Variants in FAM78A observed in about 807,000 individuals in gnomAD.
The protein encoded by FAM78A is family with sequence similarity 78 member A.
In FAM78A, 12 loss-of-function variants were observed where a neutral mutation model predicts 22.6. The observed-to-expected ratio is 0.53, with a 90% CI of 0.34 to 0.86. FAM78A has a LOEUF of 0.86. Ranked by LOEUF, FAM78A falls within the 40% of genes least tolerant of loss-of-function variation. The pLI, the probability that FAM78A is intolerant of heterozygous loss-of-function variation, is 0.02. For synonymous variants in FAM78A, 151 were observed against 155.8 expected, an observed-to-expected ratio of 0.97 and a Z score of 0.23; for missense variants, 322 against 396.1, an observed-to-expected ratio of 0.81 and a Z score of 1.59.
In FAM78A at chr9:131,258,681, T is replaced by G. The variant is rs2131138019; in HGVS notation, c.*2141A>C. 1 of 152,394 alleles carries G rather than the reference T, an allele frequency of 6.6e-6. No homozygotes were observed. Among genetic ancestry groups the G allele is most frequent in the East Asian group, 1.9e-4 (1 of 5,196 alleles). The allele number at this position is 152,394 out of a possible 1,614,324, so 9.4% of individuals were successfully genotyped here. ...TCCTGAACCCCCAGGGTCCTGTCCC[T>G]GCTTTAGTGCAACAAAGACCTGAGT... On this transcript the variant is annotated 3_prime_UTR_variant, in exon 2 of 2. Coordinates refer to ENST00000372271, the MANE Select transcript of FAM78A (RefSeq NM_033387.4).
At chr9:131,268,754 A>G (rs573424335) in intron 1 of FAM78A, among the ~76,000 whole-genome samples, 24 of 152,160 alleles carry the variant, frequency 1.6e-4, no homozygotes, top group Admixed American at 7.8e-4. Context: ...TTAGCCGGGC[A>G]TGGTGGCAGG....
upstream of FAM78A, among the ~76,000 whole-genome samples, chr9:131,277,919 C>T (rs1452018109): frequency 6.7e-6 from 1 of 149,912 alleles, no homozygotes; most frequent in Non-Finnish European, 1.5e-5. The surrounding 1 kb of genome is among the most constrained non-coding windows in gnomAD (Gnocchi z 8.4). Flanking sequence ...TCAAACTTTG[C>T]AGAAACTCGG....
intron 1 of FAM78A, among the ~76,000 whole-genome samples, chr9:131,267,816 CG>C (rs1465167521): frequency 6.6e-6 from 1 of 151,930 alleles, no homozygotes; most frequent in African/African-American, 2.4e-5. Flanking sequence ...GAGGCTGAGG[CG>C]GGCAGATCAC....
At position 131,275,872 on chromosome 9, in the gene FAM78A, T is replaced by A; in HGVS notation, c.308A>T (p.Tyr103Phe). Residue 103 changes from tyrosine to phenylalanine, a missense_variant, in exon 1 of 2, where the codon TAC (tyrosine) becomes TTC (phenylalanine). Coordinates refer to ENST00000372271, the MANE Select transcript of FAM78A (RefSeq NM_033387.4). The surrounding 1 kb of genome is among the most constrained non-coding windows in gnomAD (Gnocchi z 4.6). ...ACSHMEFYNQ[Y>F]GEQGMSSWEL... is the part of the protein sequence containing the mutation. ...CCGTACTCACATGCCCTGCTCGCCG[T>A]ACTGGTTGTAGAACTCCATGTGGCT... is the stretch of plus-strand genomic sequence containing the variant. The A allele has an allele frequency of 1.9e-6, 3 of 1,595,978 alleles. No homozygotes were observed. Among genetic ancestry groups the A allele is most frequent in the Non-Finnish European group, 2.6e-6 (3 of 1,168,922 alleles).
chr9:131,266,805 T>C (rs1455128378), intron 1 of FAM78A, among the ~76,000 whole-genome samples: 1 of 152,246 alleles, frequency 6.6e-6, no homozygotes, highest in Non-Finnish European at 1.5e-5. Context: ...TCACAGCACC[T>C]GGCCCAGCTT....
At chr9:131,264,551 G>T (rs1256094924) in intron 1 of FAM78A, 2 of 715,594 alleles carry the variant, frequency 2.8e-6, no homozygotes, top group Non-Finnish European at 5.2e-6. Context: ...TGCCTGCCCG[G>T]TTTTTGTGAT....
chr9:131,270,037 TAA>T lies in FAM78A; in HGVS notation c.323+5818_323+5819del, dbSNP rs1008374603. On this transcript the variant is annotated intron_variant, in intron 1 of 1. Transcript: ENST00000372271. ...TGGTGAAACCCCATCCCTACTAAAATAAAAAAAAAAAAAAAAAAAAAAGCCAG... is the reference window on the plus strand; with the variant it reads ...TGGTGAAACCCCATCCCTACTAAAATAAAAAAAAAAAAAAAAAAAAGCCAG... Among the ~76,000 whole-genome samples, 68 of 85,618 alleles carry T rather than the reference TAA, an allele frequency of 7.9e-4. 2 individuals carry two copies. The highest frequency in any genetic ancestry group is 6.7e-3 in the Middle Eastern group (1 of 150). The allele number at this position is 85,618 out of a possible 152,430, so 56.2% of individuals were successfully genotyped here.
At position 131,258,840 on chromosome 9, in the gene FAM78A, C is replaced by A. The variant is rs1029751775; in HGVS notation, c.*1982G>T. On this transcript the variant is annotated 3_prime_UTR_variant, in exon 2 of 2. Coordinates refer to ENST00000372271, the MANE Select transcript of FAM78A (RefSeq NM_033387.4). ...CACGGCCTCCATCCTCACAAGAGAA[C>A]CTGCAGTTTCTGCGGGGAGGTCCTG... is the stretch of plus-strand genomic sequence containing the variant. 6.6e-6 allele frequency: 1 copy of A among 152,262 alleles called. No individual in the cohort carries two copies. 9.4% of individuals were successfully genotyped at this position (152,262 alleles called of 1,614,324 possible).
Position 131,261,637 on chromosome 9 carries a change from T to C in FAM78A, c.324-287A>G, listed in dbSNP as rs900608033. On this transcript the variant is annotated intron_variant, in intron 1 of 1. Coordinates refer to ENST00000372271, the MANE Select transcript of FAM78A (RefSeq NM_033387.4). This position sits in a 1 kb window ranked among gnomAD's most constrained non-coding sequence, Gnocchi z 7.1. ...CACTCCCATGTGGCCATGGATATAG[T>C]AGCATCTGGGAGCCCACCCCAGACT... 3.3e-5 allele frequency among the ~76,000 whole-genome samples: 5 copies of C among 152,104 alleles called. No homozygotes were observed. The East Asian group carries it at 7.7e-4, about 23-fold the overall frequency.
intron 1 of FAM78A, among the ~76,000 whole-genome samples, chr9:131,266,276 G>C (rs1835344054): frequency 1.3e-5 from 2 of 152,176 alleles, no homozygotes; most frequent in Non-Finnish European, 2.9e-5. Context: ...AACCGGCCAT[G>C]ACTCCCCTAT....
At chr9:131,270,329 C>A (rs574561284) in intron 1 of FAM78A, 6 of 717,652 alleles carry the variant, frequency 8.4e-6, no homozygotes, top group African/African-American at 1.7e-5. Context: ...CAGGTGAAGA[C>A]GCTTCCTTCC....
At position 131,258,619 on chromosome 9, in the gene FAM78A, C is replaced by T. The variant is rs576862611; in HGVS notation, c.*2203G>A. 10 of 152,370 alleles carry T rather than the reference C, an allele frequency of 6.6e-5. No individual in the cohort carries two copies. Among genetic ancestry groups the T allele is most frequent in the African/African-American group, 1.9e-4 (8 of 41,562 alleles). 9.4% of individuals were successfully genotyped at this position (152,370 alleles called of 1,614,324 possible). On this transcript the variant is annotated 3_prime_UTR_variant, in exon 2 of 2. Transcript: ENST00000372271. Reference sequence around the variant, plus strand: ...CCCCTTTCCATTCTGGTCTCCAGCCCCACCTCCAGGAATAAACCAGCGGCC... The same window carrying T: ...CCCCTTTCCATTCTGGTCTCCAGCCTCACCTCCAGGAATAAACCAGCGGCC...
In FAM78A at chr9:131,275,153, G is replaced by A. The variant is rs1035252425; in HGVS notation, c.323+704C>T. On this transcript the variant is annotated intron_variant, in intron 1 of 1. Coordinates refer to ENST00000372271, the MANE Select transcript of FAM78A (RefSeq NM_033387.4). This position sits in a 1 kb window ranked among gnomAD's most constrained non-coding sequence, Gnocchi z 4.6. ...ATACCCTAGGCACACTCTGGAGACC[G>A]GGCTTTGGGGCTGCAGAGGAGAGGC... Among the ~76,000 whole-genome samples the A allele has an allele frequency of 4.6e-5, 7 of 152,168 alleles. No individual in the cohort carries two copies. The highest frequency in any genetic ancestry group is 7.2e-5 in the African/African-American group (3 of 41,444).
upstream of FAM78A, among the ~76,000 whole-genome samples, chr9:131,279,234 C>G (rs764668924): frequency 2.0e-5 from 3 of 152,224 alleles, no homozygotes; most frequent in Non-Finnish European, 4.4e-5. Flanking sequence ...AGACAGCACA[C>G]AGATTACATC....
At position 131,260,668 on chromosome 9, in the gene FAM78A, G is replaced by T; in HGVS notation, c.*154C>A. The T allele has an allele frequency of 2.3e-6, 2 of 857,828 alleles. No individual in the cohort carries two copies. The highest frequency in any genetic ancestry group is 1.7e-6 in the Non-Finnish European group (1 of 593,594). The allele number at this position is 857,828 out of a possible 1,614,324, so 53.1% of individuals were successfully genotyped here. A position where few individuals can be genotyped will look rare whatever the true frequency, so the allele number is the denominator to read the frequency against. On this transcript the variant is annotated 3_prime_UTR_variant, in exon 2 of 2. Coordinates refer to ENST00000372271, the MANE Select transcript of FAM78A (RefSeq NM_033387.4). The surrounding 1 kb of genome is among the most constrained non-coding windows in gnomAD (Gnocchi z 5.4). ...TGAAAGGAAGCAGGTGCCGAGAGCC[G>T]GGGAGGCCTTCCCGGGGGCATCAGC...
intron 1 of FAM78A, among the ~76,000 whole-genome samples, chr9:131,268,928 G>A (rs1027036402): frequency 2.0e-4 from 29 of 148,544 alleles, no homozygotes; most frequent in Non-Finnish European, 3.9e-4. Flanking sequence ...GGCCGAGCGC[G>A]GTGGCTCATG....
chr9:131,276,292 T>A lies in FAM78A; in HGVS notation c.-113A>T. 1.2e-6 allele frequency: 1 copy of A among 800,588 alleles called. No homozygotes were observed. The highest frequency in any genetic ancestry group is 1.9e-5 in the South Asian group (1 of 52,278). The allele number at this position is 800,588 out of a possible 1,614,324, so 49.6% of individuals were successfully genotyped here. Reference sequence around the variant, plus strand: ...TCACTGAGTAGACTGGGGTTGCATATATCACTACCGCGGCCTGTTTATAAA... The same window carrying A: ...TCACTGAGTAGACTGGGGTTGCATAAATCACTACCGCGGCCTGTTTATAAA... On this transcript the variant is annotated 5_prime_UTR_variant, in exon 1 of 2. Transcript: ENST00000372271. The surrounding 1 kb of genome is among the most constrained non-coding windows in gnomAD (Gnocchi z 4.3).
At position 131,261,167 on chromosome 9, in the gene FAM78A, G is replaced by A. The variant is rs779501246; in HGVS notation, c.507C>T (p.Ala169=). 117 of 1,614,014 alleles carry A rather than the reference G, an allele frequency of 7.2e-5. No homozygotes were observed. Among genetic ancestry groups the A allele is most frequent in the African/African-American group, 6.7e-5 (5 of 74,916 alleles). ...NDNFYPSVTW[A]VPVSESNVAK... ...CCACGTTGCTCTCGCTGACGGGCAC[G>A]GCCCATGTGACGCTGGGGTAAAAGT... The change falls in exon 2 of 2, where the codon GCC becomes GCT. Residue 169 remains alanine, a synonymous_variant. Transcript: ENST00000372271. The surrounding 1 kb of genome is among the most constrained non-coding windows in gnomAD (Gnocchi z 7.1).
In FAM78A at chr9:131,274,070, C is replaced by A. The variant is rs538166892; in HGVS notation, c.323+1787G>T. On this transcript the variant is annotated intron_variant, in intron 1 of 1. Transcript: ENST00000372271. The surrounding 1 kb of genome is among the most constrained non-coding windows in gnomAD (Gnocchi z 4.2). ...CCTAGCTCCAGCCACATCACCCACA[C>A]CTACTCAGGGTCACCAGATGGAGAA... Among the ~76,000 whole-genome samples, 1 of 152,372 alleles carries A rather than the reference C, an allele frequency of 6.6e-6. No individual in the cohort carries two copies. The highest frequency in any genetic ancestry group is 2.4e-5 in the African/African-American group (1 of 41,584).
Sources: allele counts gnomAD v4.1 joint callset (sites outside exome capture counted in the v4.1 genomes callset), GRCh38; gene constraint gnomAD v4.1.1; non-coding constraint Gnocchi (gnomAD v3.1); transcripts MANE v1.5; gene names NCBI Gene and HGNC (gene_info 2026-07-23, HGNC 2026-07-21).